The following ADAMTSL1 variants were observed in gnomAD, a reference collection of about 807,000 sequenced individuals.
ADAMTSL1 encodes the protein ADAMTS like 1.
ADAMTSL1 carries 126 observed loss-of-function variants against 201.8 expected under a neutral mutation model. The observed-to-expected ratio is 0.62, with a 90% CI of 0.54 to 0.72. The LOEUF (loss-of-function observed/expected upper bound fraction) is 0.72, where lower values mean the gene tolerates loss of function less well. ADAMTSL1 is among the 30% of genes least tolerant of loss of function. The probability of loss-of-function intolerance (pLI) is 0.00; values close to 1 mark genes in which losing one functional copy is unlikely to be tolerated. For synonymous variants in ADAMTSL1, 1,121 were observed against 903.4 expected, an observed-to-expected ratio of 1.24 and a Z score of -4.32; for missense variants, 2,679 against 2,277.8, an observed-to-expected ratio of 1.18 and a Z score of -3.59.
Position 18,302,141 on chromosome 9 carries a change from T to C in ADAMTSL1, c.207+138160T>C, listed in dbSNP as rs1350622163. The stretch of plus-strand genomic sequence containing the variant: ...ACTTCTCTCTTTTTTGGGTTGCTGT[T>C]GTACTTTGGCCATTCCAACAATTCT... On this transcript the variant is annotated intron_variant, in intron 2 of 29. Coordinates refer to the ADAMTSL1 transcript ENST00000680146. Among the ~76,000 whole-genome samples, 4 of 152,332 alleles carry C rather than the reference T, an allele frequency of 2.6e-5. No homozygotes were observed. The East Asian group carries it at 7.7e-4, about 29-fold the overall frequency.
intron 1 of ADAMTSL1, among the ~76,000 whole-genome samples, chr9:18,113,511 G>A (rs556931999): frequency 2.0e-5 from 3 of 152,082 alleles, no homozygotes; most frequent in Admixed American, 6.6e-5. Context: ...GCCACTTCTT[G>A]AGCTAGAGCA....
At chr9:18,130,957 A>T (rs1825927244) in intron 1 of ADAMTSL1, among the ~76,000 whole-genome samples, 1 of 152,158 alleles carries the variant, frequency 6.6e-6, no homozygotes, top group South Asian at 2.1e-4. Context: ...TTTCTATTGG[A>T]AACTAAAATC....
intron 2 of ADAMTSL1, among the ~76,000 whole-genome samples, chr9:18,314,743 G>C (rs1216872419): frequency 6.9e-6 from 1 of 145,846 alleles, no homozygotes; most frequent in Non-Finnish European, 1.5e-5. Flanking sequence ...GCGTGGAAGG[G>C]GACCCCAGTG....
At chr9:18,193,792 T>G (rs1273921078) in intron 2 of ADAMTSL1, among the ~76,000 whole-genome samples, 1 of 149,116 alleles carries the variant, frequency 6.7e-6, no homozygotes, top group East Asian at 1.9e-4. Flanking sequence ...AAACCTAGGG[T>G]TTTTTGGGGC....
intron 1 of ADAMTSL1, among the ~76,000 whole-genome samples, chr9:18,049,844 C>T (rs954143558): frequency 6.6e-6 from 1 of 152,108 alleles, no homozygotes; most frequent in East Asian, 1.9e-4. Flanking sequence ...AGGATGGTCT[C>T]GATCTCCTGA....
chr9:18,840,544 TTAAAG>T (rs1825650455), intron 23 of ADAMTSL1, among the ~76,000 whole-genome samples: 1 of 152,190 alleles, frequency 6.6e-6, no homozygotes, highest in African/African-American at 2.4e-5. Flanking sequence ...CATATGAACT[TTAAAG>T]TAGTTTTTTC....
intron 23 of ADAMTSL1, among the ~76,000 whole-genome samples, chr9:18,872,124 C>A (rs1471011127): frequency 1.3e-5 from 2 of 151,816 alleles, no homozygotes; most frequent in Admixed American, 6.6e-5. Context: ...TACTGTATAT[C>A]CCTGCTCTCT....
chr9:18,283,070 G>T (rs1463471108), intron 2 of ADAMTSL1, among the ~76,000 whole-genome samples: 1 of 152,054 alleles, frequency 6.6e-6, no homozygotes, highest in East Asian at 1.9e-4. Flanking sequence ...TATAATTTTT[G>T]ATGTGTCTAT....
chr9:18,700,657 C>G (rs965300840), intron 13 of ADAMTSL1, among the ~76,000 whole-genome samples: 2 of 151,908 alleles, frequency 1.3e-5, no homozygotes, highest in Non-Finnish European at 2.9e-5. Context: ...AATGATGAGG[C>G]AATATGGAAT....
chr9:18,830,862 C>T (rs951709544), intron 23 of ADAMTSL1, among the ~76,000 whole-genome samples: 1 of 152,178 alleles, frequency 6.6e-6, no homozygotes, highest in African/African-American at 2.4e-5. Flanking sequence ...CCAAAGCCTA[C>T]AAAGTGGGGA....
At chr9:18,416,517 C>T (rs1818682716) in intron 2 of ADAMTSL1, among the ~76,000 whole-genome samples, 1 of 151,838 alleles carries the variant, frequency 6.6e-6, no homozygotes, top group Admixed American at 6.6e-5. Flanking sequence ...TGATATGCTG[C>T]CTTCAAGAAG....
At chr9:17,938,464 G>A (rs572159335) in intron 1 of ADAMTSL1, among the ~76,000 whole-genome samples, 154 of 152,220 alleles carry the variant, frequency 1.0e-3, no homozygotes, top group Middle Eastern at 3.4e-3. Context: ...CCAAGGGTGC[G>A]ATGTCATCTC....
At chr9:18,517,223 C>T (rs1196218606) in intron 2 of ADAMTSL1, among the ~76,000 whole-genome samples, 2 of 152,116 alleles carry the variant, frequency 1.3e-5, no homozygotes, top group Non-Finnish European at 2.9e-5. Context: ...GCTAGTGGAT[C>T]TTAAGCCAAA....
intron 3 of ADAMTSL1, among the ~76,000 whole-genome samples, chr9:18,568,753 G>C (rs1822101883): frequency 7.0e-6 from 1 of 143,872 alleles, no homozygotes; most frequent in South Asian, 2.2e-4. Flanking sequence ...GGTTACTACA[G>C]TACATGTAGT....
intron 15 of ADAMTSL1, among the ~76,000 whole-genome samples, chr9:18,740,960 G>A (rs1163036328): frequency 5.3e-5 from 8 of 152,102 alleles, no homozygotes; most frequent in Non-Finnish European, 1.2e-4. Flanking sequence ...GGAAGCCATT[G>A]ATGATACTAC....
At chr9:18,117,526 G>T (rs986385038) in intron 1 of ADAMTSL1, among the ~76,000 whole-genome samples, 6 of 152,084 alleles carry the variant, frequency 3.9e-5, no homozygotes, top group African/African-American at 9.7e-5. Context: ...TAGCTGAACT[G>T]TCACTTTGTT....
chr9:18,826,381 C>G lies in ADAMTSL1; in HGVS notation c.4032C>G (p.Ser1344=). The G allele has an allele frequency of 6.2e-7, 1 of 1,613,776 alleles. No individual in the cohort carries two copies. Among genetic ancestry groups the G allele is most frequent in the Non-Finnish European group, 8.5e-7 (1 of 1,179,854 alleles). Reference sequence around the variant, plus strand: ...GCTCCTTGCTGCTCACAAACGTGTCCTCCTCGGATCAGGGCCTGTACTCCT... The same window carrying G: ...GCTCCTTGCTGCTCACAAACGTGTCGTCCTCGGATCAGGGCCTGTACTCCT... ...HEGSLLLTNV[S]SSDQGLYSCR... Residue 1344 remains serine (S), a synonymous_variant, in exon 22 of 29, where the codon TCC becomes TCG. Coordinates refer to ENST00000380548, the MANE Select transcript of ADAMTSL1 (RefSeq NM_001040272.6).
intron 2 of ADAMTSL1, among the ~76,000 whole-genome samples, chr9:18,340,339 C>T (rs1199887853): frequency 3.3e-5 from 5 of 152,190 alleles, no homozygotes; most frequent in Non-Finnish European, 7.3e-5. Context: ...TATGTACTTA[C>T]TATTCTTGAA....
chr9:18,815,198 T>C (rs916708631), intron 20 of ADAMTSL1, among the ~76,000 whole-genome samples: 1 of 152,114 alleles, frequency 6.6e-6, no homozygotes, highest in African/African-American at 2.4e-5. Context: ...CCAGCAATCC[T>C]ACTCCTGGGT....
Sources: allele counts gnomAD v4.1 joint callset (sites outside exome capture counted in the v4.1 genomes callset), GRCh38; gene constraint gnomAD v4.1.1; transcripts MANE v1.5; gene names NCBI Gene and HGNC (gene_info 2026-07-23, HGNC 2026-07-21).